The following INSL6 variants were observed in gnomAD, a reference collection of about 807,000 sequenced individuals.
The protein encoded by INSL6 is insulin-like peptide INSL6.
INSL6 carries 16 observed loss-of-function variants against 9.4 expected under a neutral mutation model. The observed-to-expected ratio is 1.70, with a 90% confidence interval of 1.15 to 2.59. INSL6 has a LOEUF of 2.59. Among genes scored for constraint, INSL6 ranks in the 30% most tolerant of loss-of-function variants. The pLI is 0.00. For synonymous variants in INSL6, 154 were observed against 96.9 expected (o/e 1.59, Z -3.46); for missense variants, 391 against 257.3 (o/e 1.52, Z -3.56).
the INSL6 span, chr9:5,090,994 C>T: frequency 2.0e-6 from 2 of 1,024,350 alleles, no homozygotes; most frequent in South Asian, 1.8e-5. Context: ...TTTGCCATTT[C>T]TATATTTACA....
chr9:5,083,874 C>T, the INSL6 span, among the ~76,000 whole-genome samples: 5 of 152,094 alleles, frequency 3.3e-5, no homozygotes, highest in Non-Finnish European at 7.4e-5. Flanking sequence ...GTAGTCTCTG[C>T]ACAACTACAC....
the INSL6 span, among the ~76,000 whole-genome samples, chr9:5,032,421 G>C: frequency 2.6e-5 from 4 of 152,258 alleles, no homozygotes; most frequent in Non-Finnish European, 5.9e-5. Flanking sequence ...AATGCAGCTG[G>C]AGATCTGAGA....
chr9:5,098,718 G>C, the INSL6 span: 3 of 148,938 alleles, frequency 2.0e-5, no homozygotes, highest in Non-Finnish European at 3.0e-5. Flanking sequence ...TTTTGAGACA[G>C]AGTCTCGCTC....
the INSL6 span, chr9:5,041,238 G>T: frequency 6.8e-7 from 1 of 1,465,570 alleles, no homozygotes; most frequent in East Asian, 2.3e-5. Flanking sequence ...GGGACCAAGC[G>T]GCAGCACGCC....
At chr9:5,044,431 G>T in the INSL6 span, 5 of 1,612,182 alleles carry the variant, frequency 3.1e-6, no homozygotes, top group South Asian at 1.1e-5. Flanking sequence ...GTATTGCAGT[G>T]GCAGCAACAG....
chr9:5,179,869 A>G (rs1825407246), intron 1 of INSL6, among the ~76,000 whole-genome samples: 1 of 152,166 alleles, frequency 6.6e-6, no homozygotes, highest in South Asian at 2.1e-4. Context: ...AAGGGAAAGT[A>G]TCAGGAGGAA....
chr9:5,181,467 C>A (rs7047795), intron 1 of INSL6, among the ~76,000 whole-genome samples: 1 of 151,720 alleles, frequency 6.6e-6, no homozygotes, highest in East Asian at 1.9e-4. Context: ...AAAAGACTTA[C>A]TGAGAAAGTG....
At chr9:5,048,224 C>G in the INSL6 span, among the ~76,000 whole-genome samples, 3 of 152,184 alleles carry the variant, frequency 2.0e-5, no homozygotes, top group African/African-American at 7.2e-5. Flanking sequence ...TCACTGCAAC[C>G]TCTGCCTCCC....
chr9:5,181,788 T>C (rs1483408312), intron 1 of INSL6, among the ~76,000 whole-genome samples: 1 of 152,246 alleles, frequency 6.6e-6, no homozygotes, highest in East Asian at 1.9e-4. Flanking sequence ...GGGCAAAATA[T>C]ATAAACAGGA....
exon 4 of INSL6, among the ~76,000 whole-genome samples, chr9:5,124,231 A>G (rs928831784): frequency 6.6e-6 from 1 of 151,752 alleles, no homozygotes; most frequent in African/African-American, 2.4e-5. Context: ...TCATTTGTCT[A>G]TTTTTGGTTT....
the INSL6 span, among the ~76,000 whole-genome samples, chr9:5,018,936 A>C: frequency 6.6e-6 from 1 of 152,000 alleles, no homozygotes; most frequent in African/African-American, 2.4e-5. Context: ...TGCTGTTTTT[A>C]GAATTCTCTC....
At chr9:5,154,434 C>T (rs915940690) in intron 2 of INSL6, among the ~76,000 whole-genome samples, 2 of 152,136 alleles carry the variant, frequency 1.3e-5, no homozygotes, top group Non-Finnish European at 2.9e-5. Flanking sequence ...ATGTCTAAAA[C>T]ACCAAAAGCA....
the INSL6 span, chr9:5,041,150 A>G: frequency 1.8e-6 from 2 of 1,119,376 alleles, no homozygotes; most frequent in Non-Finnish European, 2.6e-6. Context: ...CCGGCTGATC[A>G]CGCGCATGGA....
the INSL6 span, chr9:5,111,096 C>T: frequency 8.2e-7 from 1 of 1,222,984 alleles, no homozygotes; most frequent in Non-Finnish European, 1.1e-6. Context: ...GGGGCAGCGG[C>T]GACCAGAACA....
chr9:5,055,815 G>T, the INSL6 span: 1 of 1,585,198 alleles, frequency 6.3e-7, no homozygotes, highest in South Asian at 1.1e-5. Context: ...ATTGAATAAT[G>T]GTTTCATTTT....
chr9:5,173,080 ACAGT>A (rs1185665733), intron 1 of INSL6, among the ~76,000 whole-genome samples: 2 of 152,230 alleles, frequency 1.3e-5, no homozygotes, highest in Non-Finnish European at 2.9e-5. Context: ...CTATCTCACG[ACAGT>A]CAGAATAGCA....
At chr9:5,089,537 C>CA in the INSL6 span, 602 of 87,048 alleles carry the variant, frequency 6.9e-3, 63 homozygotes, top group South Asian at 0.015. Context: ...GACTTCGTCT[C>CA]AAAAAAAAAA....
the INSL6 span, chr9:5,041,804 G>A: frequency 4.1e-6 from 2 of 485,456 alleles, no homozygotes; most frequent in Admixed American, 2.3e-5. Flanking sequence ...AAGATCAGCC[G>A]CACAGCAAAA....
At chr9:5,103,709 C>A in the INSL6 span, among the ~76,000 whole-genome samples, 1 of 152,136 alleles carries the variant, frequency 6.6e-6, no homozygotes. Flanking sequence ...GATATCACAA[C>A]AAACTGGCTC....
Sources: gnomAD v4.1 joint callset for allele counts (sites outside exome capture counted in the v4.1 genomes callset) on GRCh38, gnomAD v4.1.1 for gene constraint, MANE v1.5 for transcripts, NCBI Gene and HGNC (gene_info 2026-07-23, HGNC 2026-07-21) for gene names.